The following ABCC9 variants were observed in gnomAD, a reference collection of about 807,000 sequenced individuals.
ABCC9 encodes the protein ATP-binding cassette sub-family C member 9.
Under a neutral mutation model 188.3 loss-of-function variants are expected in ABCC9, and 95 were observed. That is an observed-to-expected ratio of 0.50 (90% CI 0.43 to 0.60). The LOEUF is 0.60. Ranked by LOEUF, ABCC9 falls within the 20% of genes least tolerant of loss-of-function variation. The pLI is 0.00. For missense variants in ABCC9, 1,102 were observed against 1,876.3 expected (o/e 0.59, Z 7.62); for synonymous variants, 659 against 652.7 (o/e 1.01, Z -0.15).
At chr12:21,845,277 A>G (rs1944592408) in intron 26 of ABCC9, among the ~76,000 whole-genome samples, 1 of 152,162 alleles carries the variant, frequency 6.6e-6, no homozygotes, top group African/African-American at 2.4e-5. Flanking sequence ...AACATCAAAT[A>G]CCATAAGAAC....
intron 32 of ABCC9, 93 bp downstream of exon 32, chr12:21,818,057 T>C: frequency 1.2e-6 from 1 of 814,522 alleles, no homozygotes; most frequent in Non-Finnish European, 2.0e-6. Flanking sequence ...CCCCTCTCTG[T>C]GCTCATGTGT....
chr12:21,831,798 T>A (rs1024704066), intron 30 of ABCC9, among the ~76,000 whole-genome samples: 1 of 152,130 alleles, frequency 6.6e-6, no homozygotes, highest in African/African-American at 2.4e-5. Flanking sequence ...GACAGGTTCT[T>A]CTCCCTAGAG....
chr12:21,902,538 G>C (rs1394819453), intron 12 of ABCC9, among the ~76,000 whole-genome samples: 1 of 152,016 alleles, frequency 6.6e-6, no homozygotes, highest in Non-Finnish European at 1.5e-5. Context: ...CAACAAAATA[G>C]ATAGACCACT....
At chr12:21,815,243 A>G (rs928137239) in intron 34 of ABCC9, among the ~76,000 whole-genome samples, 2 of 146,164 alleles carry the variant, frequency 1.4e-5, no homozygotes, top group Non-Finnish European at 3.0e-5. Flanking sequence ...ATTTCATTCT[A>G]TTTATTTTTA....
intron 39 of ABCC9, among the ~76,000 whole-genome samples, chr12:21,804,114 G>A (rs1039235960): frequency 2.6e-5 from 4 of 152,122 alleles, no homozygotes; most frequent in African/African-American, 7.2e-5. Context: ...ATTAGGGGCG[G>A]GTGGGAGCAG....
chr12:21,852,766 TAAAG>T (rs1416618678), intron 22 of ABCC9, among the ~76,000 whole-genome samples: 5 of 150,418 alleles, frequency 3.3e-5, no homozygotes, highest in Admixed American at 3.3e-4. Context: ...AAATAAAAAT[TAAAG>T]AAAATAAAAT....
chr12:21,906,210 G>C lies in ABCC9; in HGVS notation c.1534C>G (p.His512Asp). 1 of 1,613,046 alleles carries C rather than the reference G, an allele frequency of 6.2e-7. No individual in the cohort carries two copies. The highest frequency in any genetic ancestry group is 8.5e-7 in the Non-Finnish European group (1 of 1,179,360). Residue 512 changes from histidine to aspartate, a missense_variant, in exon 12 of 40, where the codon CAC (histidine) becomes GAC (aspartate). By Grantham distance (81) the His-to-Asp change is moderately conservative. This residue lies in a region of ABCC9 where 8 missense variants were observed against 47.5 expected (regional missense o/e 0.17). Transcript: ENST00000261200. Reference sequence around the variant, plus strand: ...TCCTCCACACTTTTGCAGAAAATGTGTTCCCAGGCATACAATTTTAGAAGT... The same window carrying C: ...TCCTCCACACTTTTGCAGAAAATGTCTTCCCAGGCATACAATTTTAGAAGT... ...IKLLKLYAWE[H>D]IFCKSVEETR... is the part of the protein sequence containing the mutation.
intron 4 of ABCC9, among the ~76,000 whole-genome samples, chr12:21,933,144 C>T (rs1949353181): frequency 6.6e-6 from 1 of 151,568 alleles, no homozygotes; most frequent in African/African-American, 2.4e-5. Flanking sequence ...AACCAAATAC[C>T]ACATGTTCTC....
At chr12:21,822,790 CAA>C (rs538002229) in intron 31 of ABCC9, among the ~76,000 whole-genome samples, 5,399 of 84,100 alleles carry the variant, frequency 0.064, 78 homozygotes, top group African/African-American at 0.11. Context: ...GACTCCGTCT[CAA>C]AAAAAAAAAA....
chr12:21,824,858 T>C (rs890524412), intron 31 of ABCC9, among the ~76,000 whole-genome samples: 1 of 152,210 alleles, frequency 6.6e-6, no homozygotes, highest in African/African-American at 2.4e-5. Context: ...CATTTTTTAT[T>C]GCATGTATTT....
Position 21,910,099 on chromosome 12 carries a change from G to A in ABCC9, c.1320+58C>T, listed in dbSNP as rs1948246548. The A allele has an allele frequency of 5.4e-6, 8 of 1,482,288 alleles. No individual in the cohort carries two copies. In the South Asian group the frequency reaches 7.9e-5, roughly 15 times the overall value. 91.8% of individuals were successfully genotyped at this position (1,482,288 alleles called of 1,614,324 possible). A position where few individuals can be genotyped will look rare whatever the true frequency, so the allele number is the denominator to read the frequency against. Reference sequence around the variant, plus strand: ...CTTTTACAGAGCTAAATACATTACTGCTTTTTTTGTTTTATTTCCTCTGCA... The same window carrying A: ...CTTTTACAGAGCTAAATACATTACTACTTTTTTTGTTTTATTTCCTCTGCA... On this transcript the variant is annotated intron_variant, in intron 10 of 39. Coordinates refer to ENST00000261200, the MANE Select transcript of ABCC9 (RefSeq NM_020297.4).
At chr12:21,858,825 G>A (rs1019443449) in intron 22 of ABCC9, among the ~76,000 whole-genome samples, 1 of 152,026 alleles carries the variant, frequency 6.6e-6, no homozygotes, top group Non-Finnish European at 1.5e-5. Flanking sequence ...AAATGTTCTG[G>A]GAACCAGATT....
At chr12:21,917,161 T>TCATAA in intron 5 of ABCC9, 58 bp from the exon 6 acceptor site, 1 of 1,545,800 alleles carries the variant, frequency 6.5e-7, no homozygotes, top group Non-Finnish European at 8.9e-7. Context: ...ATCACTAGCA[T>TCATAA]TTGAATGTAA....
Position 21,883,103 on chromosome 12 carries a change from G to T in ABCC9, c.1912-230C>A, listed in dbSNP as rs112731470. The stretch of plus-strand genomic sequence containing the variant: ...TGAAAAATATGAAAATAGGATACTT[G>T]CAAATGATGGAAGTTAAAGTACAGA... On this transcript the variant is annotated intron_variant, in intron 15 of 39. Transcript: ENST00000261200. Among the ~76,000 whole-genome samples the T allele has an allele frequency of 4.6e-5, 7 of 152,274 alleles. 1 individual carries two copies. Among genetic ancestry groups the T allele is most frequent in the African/African-American group, 1.7e-4 (7 of 41,562 alleles).
Position 21,845,881 on chromosome 12 carries a change from T to C in ABCC9, c.2867-49A>G, listed in dbSNP as rs372277857. On this transcript the variant is annotated intron_variant, in intron 25 of 39. Coordinates refer to ENST00000261200, the MANE Select transcript of ABCC9 (RefSeq NM_020297.4). ...AAGCTTCAGATGGGCACCGGCTAGATATAATTTTTATTGCTCCACAAATAG... is the reference window on the plus strand; with the variant it reads ...AAGCTTCAGATGGGCACCGGCTAGACATAATTTTTATTGCTCCACAAATAG... 12 of 1,273,428 alleles carry C rather than the reference T, an allele frequency of 9.4e-6. No individual in the cohort carries two copies. The East Asian group carries it at 2.8e-4, about 30-fold the overall frequency. The allele number at this position is 1,273,428 out of a possible 1,614,324, so 78.9% of individuals were successfully genotyped here.
rs759264588 is a variant in ABCC9, at chr12:21,882,761, A to G, written c.2019+5T>C. ...TCATGTAAGAATCCAGGAAATAAAA[A>G]TAACCTTTATTGCAATGTCCTCTGT... On this transcript the variant is annotated splice_donor_5th_base_variant and intron_variant, in intron 16 of 39. Transcript: ENST00000261200. The G allele has an allele frequency of 6.3e-7, 1 of 1,599,760 alleles. No homozygotes were observed. The highest frequency in any genetic ancestry group is 1.1e-5 in the South Asian group (1 of 90,808).
chr12:21,917,448 G>A (rs1948648187), intron 5 of ABCC9, among the ~76,000 whole-genome samples: 3 of 152,106 alleles, frequency 2.0e-5, no homozygotes, highest in Non-Finnish European at 2.9e-5. Context: ...TTTTCAAAGA[G>A]CCTTAATTAT....
chr12:21,936,768 G>A (rs1949507123), intron 2 of ABCC9, 74 bp from the exon 3 acceptor site: 1 of 1,114,160 alleles, frequency 9.0e-7, no homozygotes, highest in Non-Finnish European at 1.3e-6. Flanking sequence ...TTAAAGCCTT[G>A]AATAGAGGGC....
chr12:21,906,440 A>T, intron 11 of ABCC9, 152 bp from the exon 12 acceptor site: 1 of 705,380 alleles, frequency 1.4e-6, no homozygotes, highest in South Asian at 1.9e-5. Flanking sequence ...AGAAGCAATT[A>T]AACCCTTTGT....
Sources: allele counts gnomAD v4.1 joint callset (sites outside exome capture counted in the v4.1 genomes callset), GRCh38; gene constraint gnomAD v4.1.1; regional missense constraint gnomAD v4.1.1; transcripts MANE v1.5; gene names NCBI Gene and HGNC (gene_info 2026-07-23, HGNC 2026-07-21).